Variants in SPMAP2L observed in about 807,000 individuals in gnomAD.
SPMAP2L encodes the protein sperm microtubule associated protein 2-like.
chr4:56,622,447 G>A, the SPMAP2L span, among the ~76,000 whole-genome samples: 2 of 152,280 alleles, frequency 1.3e-5, no homozygotes, highest in Admixed American at 6.5e-5. Context: ...CTCTTTATAG[G>A]CAAAGTTCCA....
At chr4:56,609,570 A>G in the SPMAP2L span, among the ~76,000 whole-genome samples, 8 of 152,212 alleles carry the variant, frequency 5.3e-5, no homozygotes, top group African/African-American at 1.7e-4. Flanking sequence ...GGGGAACCGG[A>G]GGCAAAATGC....
the SPMAP2L span, among the ~76,000 whole-genome samples, chr4:56,547,245 T>C: frequency 1.6e-4 from 1 of 6,384 alleles, no homozygotes; most frequent in Non-Finnish European, 5.4e-4. Context: ...TAATTCTCTT[T>C]TTTTTTTTTT....
At chr4:56,620,375 A>G in the SPMAP2L span, among the ~76,000 whole-genome samples, 12 of 149,468 alleles carry the variant, frequency 8.0e-5, no homozygotes, top group African/African-American at 1.3e-4. Context: ...AGGAAACAAA[A>G]TAGCCTTCTA....
At chr4:56,595,013 T>A in the SPMAP2L span, 1 of 1,607,880 alleles carries the variant, frequency 6.2e-7, no homozygotes, top group Non-Finnish European at 8.5e-7. Context: ...CATCCCATCA[T>A]TTCACTAAAG....
At chr4:56,576,965 A>T in the SPMAP2L span, among the ~76,000 whole-genome samples, 6 of 152,286 alleles carry the variant, frequency 3.9e-5, no homozygotes, top group East Asian at 1.2e-3. Flanking sequence ...ACCATTGTTC[A>T]TTGGCTTAAG....
chr4:56,596,578 A>G, the SPMAP2L span: 3 of 1,534,226 alleles, frequency 2.0e-6, no homozygotes, highest in Middle Eastern at 1.7e-4. Context: ...CCCAAGGATC[A>G]AGTTAGAGGG....
the SPMAP2L span, among the ~76,000 whole-genome samples, chr4:56,591,899 G>A: frequency 1.3e-5 from 2 of 152,088 alleles, no homozygotes; most frequent in African/African-American, 4.8e-5. Flanking sequence ...TTTAAGCATG[G>A]TGATTTGTGA....
chr4:56,609,053 T>C, the SPMAP2L span, among the ~76,000 whole-genome samples: 1 of 141,326 alleles, frequency 7.1e-6, no homozygotes, highest in East Asian at 2.0e-4. Context: ...TTTCTTTCTT[T>C]TTTTTTTTTT....
At chr4:56,543,947 AGAGT>A in the SPMAP2L span, among the ~76,000 whole-genome samples, 807 of 126,586 alleles carry the variant, frequency 6.4e-3, 4 homozygotes, top group African/African-American at 7.5e-3. Context: ...AGAGAGAGAG[AGAGT>A]GTGTGTGTGT....
the SPMAP2L span, among the ~76,000 whole-genome samples, chr4:56,553,579 AG>A: frequency 6.6e-6 from 1 of 151,690 alleles, no homozygotes; most frequent in South Asian, 2.1e-4. Flanking sequence ...CAGAAAGTAG[AG>A]TTTCCATATT....
chr4:56,560,170 T>C, the SPMAP2L span, among the ~76,000 whole-genome samples: 1 of 152,196 alleles, frequency 6.6e-6, no homozygotes, highest in Non-Finnish European at 1.5e-5. Context: ...AGCCATTATT[T>C]TTTCAAGTTA....
At chr4:56,616,867 C>T in the SPMAP2L span, among the ~76,000 whole-genome samples, 36 of 152,294 alleles carry the variant, frequency 2.4e-4, no homozygotes, top group Non-Finnish European at 4.4e-4. Context: ...TGTTAATCTA[C>T]ATAGTTATTT....
the SPMAP2L span, chr4:56,530,988 T>A: frequency 6.5e-7 from 1 of 1,535,170 alleles, no homozygotes. Flanking sequence ...ACGAACTCCA[T>A]GGGCCCCATG....
At chr4:56,567,324 T>C in the SPMAP2L span, among the ~76,000 whole-genome samples, 2 of 151,744 alleles carry the variant, frequency 1.3e-5, no homozygotes, top group Admixed American at 6.6e-5. Context: ...TGGAGTACAG[T>C]GGTACGATGT....
At chr4:56,611,839 C>A in the SPMAP2L span, among the ~76,000 whole-genome samples, 1 of 152,046 alleles carries the variant, frequency 6.6e-6, no homozygotes, top group African/African-American at 2.4e-5. Context: ...CACGTAAGAC[C>A]CCCTAGTTCT....
chr4:56,536,842 C>T, the SPMAP2L span, among the ~76,000 whole-genome samples: 1 of 152,088 alleles, frequency 6.6e-6, no homozygotes, highest in South Asian at 2.1e-4. Context: ...TGGCTCACTG[C>T]AAAGTCCGCC....
At chr4:56,556,480 A>G in the SPMAP2L span, among the ~76,000 whole-genome samples, 1 of 152,248 alleles carries the variant, frequency 6.6e-6, no homozygotes, top group Admixed American at 6.5e-5. Context: ...ATTTTGAGAC[A>G]TTCAGTAAGT....
chr4:56,558,421 T>C, the SPMAP2L span, among the ~76,000 whole-genome samples: 1 of 152,304 alleles, frequency 6.6e-6, no homozygotes, highest in African/African-American at 2.4e-5. Context: ...GTGGCCAAAA[T>C]TTGTTTTATT....
At chr4:56,625,205 A>T in the SPMAP2L span, among the ~76,000 whole-genome samples, 1 of 152,138 alleles carries the variant, frequency 6.6e-6, no homozygotes, top group Non-Finnish European at 1.5e-5. Context: ...TGGTTTGGCC[A>T]ATTTCTCCCA....
Sources: gnomAD v4.1 joint callset for allele counts (sites outside exome capture counted in the v4.1 genomes callset) on GRCh38, gnomAD v4.1.1 for gene constraint, MANE v1.5 for transcripts, NCBI Gene and HGNC (gene_info 2026-07-23, HGNC 2026-07-21) for gene names.